DYNC1I1: variants seen among roughly 807,000 people sequenced by gnomAD.
DYNC1I1 encodes the protein dynein cytoplasmic 1 intermediate chain 1, also known as cytoplasmic dynein 1 intermediate chain 1.
DYNC1I1 carries 43 observed loss-of-function variants against 86.6 expected under a neutral mutation model. The ratio of observed to expected loss-of-function variants is 0.50; its 90% CI spans 0.39 to 0.64. The LOEUF is 0.64. Among genes scored for constraint, DYNC1I1 ranks in the 30% least tolerant of loss-of-function variants. The probability of loss-of-function intolerance (pLI) is 0.00; values close to 1 mark genes in which losing one functional copy is unlikely to be tolerated. For missense variants in DYNC1I1, 604 were observed against 788.8 expected (o/e 0.77, Z 2.81); for synonymous variants, 262 against 283.7 (o/e 0.92, Z 0.77).
chr7:96,094,130 T>TA (rs1790928362), intron 16 of DYNC1I1, among the ~76,000 whole-genome samples: 1 of 152,146 alleles, frequency 6.6e-6, no homozygotes, highest in African/African-American at 2.4e-5. Flanking sequence ...ACAAAAAACA[T>TA]AATTAATTTT....
At chr7:96,086,205 C>A (rs1333805827) in intron 16 of DYNC1I1, among the ~76,000 whole-genome samples, 1 of 152,156 alleles carries the variant, frequency 6.6e-6, no homozygotes, top group East Asian at 1.9e-4. Flanking sequence ...CATAAATATC[C>A]CCTAACAACT....
intron 5 of DYNC1I1, among the ~76,000 whole-genome samples, chr7:95,839,240 G>A (rs972357179): frequency 2.6e-5 from 4 of 151,870 alleles, no homozygotes; most frequent in African/African-American, 4.8e-5. Context: ...CATGTTGGCC[G>A]GGCTAGTCTC....
intron 16 of DYNC1I1, among the ~76,000 whole-genome samples, chr7:96,089,238 T>G (rs1790769638): frequency 5.9e-5 from 2 of 33,784 alleles, no homozygotes; most frequent in Admixed American, 2.7e-4. Context: ...TTCCTCAGCT[T>G]CTTTTTTAAC....
At chr7:96,101,925 TGGTGTTCCC>T (rs1791142773), downstream of DYNC1I1, among the ~76,000 whole-genome samples, 2 of 151,684 alleles carry the variant, frequency 1.3e-5, no homozygotes, top group Admixed American at 1.3e-4. Flanking sequence ...AGATATAGAG[TGGTGTTCCC>T]TATAATATAT....
rs199784007 is a variant in DYNC1I1 at position 95,986,106 on chromosome 7, G to GA, written c.744-941dup. 1.3e-4 allele frequency among the ~76,000 whole-genome samples: 19 copies of GA among 147,538 alleles called. No individual in the cohort carries two copies. In the South Asian group the frequency reaches 2.1e-3, roughly 17 times the overall value. Reference sequence around the variant, plus strand: ...TGGCGGAGCTGAGGAAGGGTTAACAGAAAAAAAAATGTCATATTAGGTTTA... The same window carrying GA: ...TGGCGGAGCTGAGGAAGGGTTAACAGAAAAAAAAAATGTCATATTAGGTTTA... On this transcript the variant is annotated intron_variant, in intron 8 of 16. Coordinates refer to ENST00000447467, the MANE Select transcript of DYNC1I1 (RefSeq NM_001135556.2).
At chr7:96,107,955 T>C (rs1425720728) in intron 16 of DYNC1I1, among the ~76,000 whole-genome samples, 1 of 150,668 alleles carries the variant, frequency 6.6e-6, no homozygotes, top group Non-Finnish European at 1.5e-5. Flanking sequence ...AAACCAACTA[T>C]TAATCTTATT....
At chr7:95,780,277 T>C (rs1302161333) in intron 1 of DYNC1I1, among the ~76,000 whole-genome samples, 1 of 152,014 alleles carries the variant, frequency 6.6e-6, no homozygotes, top group Non-Finnish European at 1.5e-5. Context: ...CCCCACTTTT[T>C]TTTTTTCCTT....
intron 8 of DYNC1I1, among the ~76,000 whole-genome samples, chr7:95,985,605 T>C (rs1177291744): frequency 6.6e-6 from 1 of 152,070 alleles, no homozygotes; most frequent in Non-Finnish European, 1.5e-5. Flanking sequence ...CTGGGGAGAA[T>C]AGGAGGGACT....
chr7:96,025,737 G>T lies in DYNC1I1; in HGVS notation c.970-2438G>T, dbSNP rs536784294. ...TAGGTATTGGAGTTCTCACTCTATG[G>T]GGTTGGGTTCTAGTTGATTGCCAAC... On this transcript the variant is annotated intron_variant, in intron 10 of 16. Transcript: ENST00000447467. 1.4e-4 allele frequency among the ~76,000 whole-genome samples: 22 copies of T among 152,070 alleles called. No individual in the cohort carries two copies. In the South Asian group the frequency reaches 4.4e-3, roughly 30 times the overall value.
chr7:96,062,129 C>T (rs936694131), intron 14 of DYNC1I1, among the ~76,000 whole-genome samples: 3 of 152,174 alleles, frequency 2.0e-5, no homozygotes, highest in Admixed American at 6.5e-5. Flanking sequence ...AGGGCCCTGG[C>T]CCACGTCCAG....
chr7:95,908,821 A>G (rs1266677249), intron 6 of DYNC1I1, among the ~76,000 whole-genome samples: 6 of 152,196 alleles, frequency 3.9e-5, no homozygotes, highest in Non-Finnish European at 5.9e-5. Flanking sequence ...TGGCATCACC[A>G]CATTATCATA....
rs1788966567 is a variant in DYNC1I1 at position 96,039,335 on chromosome 7, T to C, written c.1423T>C (p.Cys475Arg). 6.2e-7 allele frequency: 1 copy of C among 1,614,182 alleles called. No individual in the cohort carries two copies. The highest frequency in any genetic ancestry group is 2.2e-5 in the East Asian group (1 of 44,876). Residue 475 changes from cysteine to arginine, a missense_variant, in exon 14 of 17, where the codon TGC becomes CGC. Cys to Arg is a radical substitution (Grantham distance 180). Transcript: ENST00000447467. ...CCAAGGGCCAGTGACAGGAATTAAC[T>C]GCCACATGGCAGTGGGCCCAATCGA... ...GHQGPVTGIN[C>R]HMAVGPIDFS... is the part of the protein sequence containing the mutation.
intron 4 of DYNC1I1, among the ~76,000 whole-genome samples, chr7:95,823,507 A>G (rs974218373): frequency 2.6e-5 from 4 of 152,206 alleles, no homozygotes; most frequent in African/African-American, 4.8e-5. Flanking sequence ...TGTAGATGTT[A>G]TCGGTATATT....
chr7:96,078,298 T>A (rs976820657), intron 15 of DYNC1I1, among the ~76,000 whole-genome samples: 1 of 152,190 alleles, frequency 6.6e-6, no homozygotes. Flanking sequence ...TTAAAATGAT[T>A]GAGCCAGGAA....
chr7:95,880,069 C>G (rs1415010869), intron 6 of DYNC1I1, among the ~76,000 whole-genome samples: 1 of 152,094 alleles, frequency 6.6e-6, no homozygotes, highest in Non-Finnish European at 1.5e-5. Context: ...TCAGCCTATT[C>G]CTTATTACTA....
chr7:95,941,946 C>T (rs1792236879), intron 6 of DYNC1I1, among the ~76,000 whole-genome samples: 1 of 151,994 alleles, frequency 6.6e-6, no homozygotes, highest in South Asian at 2.1e-4. Context: ...GCCATCTTGG[C>T]TCACAATTAA....
At chr7:96,026,137 T>C (rs927520647) in intron 10 of DYNC1I1, among the ~76,000 whole-genome samples, 3 of 152,300 alleles carry the variant, frequency 2.0e-5, no homozygotes, top group East Asian at 3.9e-4. Context: ...TTCAGTATCA[T>C]TATTGAGAGT....
chr7:96,028,286 G>A lies in DYNC1I1; in HGVS notation c.1081G>A (p.Val361Met), dbSNP rs758219234. Residue 361 changes from valine (V) to methionine (M), a missense_variant, in exon 11 of 17, where the codon GTG becomes ATG. Transcript: ENST00000447467. ...WDNRSHRRTPVQRTPLSAAAH... is the reference protein window; with the variant it reads ...WDNRSHRRTPMQRTPLSAAAH... ...CAATCGCAGTCATCGAAGGACTCCAGTGCAGCGGACACCCTTATCAGCTGC... is the reference window on the plus strand; with the variant it reads ...CAATCGCAGTCATCGAAGGACTCCAATGCAGCGGACACCCTTATCAGCTGC... 5 of 1,613,602 alleles carry A rather than the reference G, an allele frequency of 3.1e-6. No homozygotes were observed. The highest frequency in any genetic ancestry group is 4.2e-6 in the Non-Finnish European group (5 of 1,179,724).
Position 96,039,388 on chromosome 7 carries a change from A to T in DYNC1I1, c.1476A>T (p.Ser492=). The T allele has an allele frequency of 6.2e-7, 1 of 1,614,076 alleles. No homozygotes were observed. The highest frequency in any genetic ancestry group is 8.5e-7 in the Non-Finnish European group (1 of 1,179,960). ...TTTCTCACCTGTTTGTCACATCATCATTTGACTGGACTGTCAAACTGTGGA... is the reference window on the plus strand; with the variant it reads ...TTTCTCACCTGTTTGTCACATCATCTTTTGACTGGACTGTCAAACTGTGGA... ...IDFSHLFVTS[S]FDWTVKLWTT... Residue 492 remains serine (S), a synonymous_variant, in exon 14 of 17, where the codon TCA becomes TCT. Coordinates refer to ENST00000447467, the MANE Select transcript of DYNC1I1 (RefSeq NM_001135556.2).
Sources: gnomAD v4.1 joint callset for allele counts (sites outside exome capture counted in the v4.1 genomes callset) on GRCh38, gnomAD v4.1.1 for gene constraint, MANE v1.5 for transcripts, NCBI Gene and HGNC (gene_info 2026-07-23, HGNC 2026-07-21) for gene names.